TAOK3: variants seen among roughly 807,000 people sequenced by gnomAD.
TAOK3 encodes serine/threonine-protein kinase TAO3.
A neutral mutation model predicts 120.4 loss-of-function variants in TAOK3; 40 were observed. That is an observed-to-expected ratio of 0.33 (90% CI 0.26 to 0.43). The LOEUF is 0.43. Ranked by LOEUF, TAOK3 falls within the 20% of genes least tolerant of loss-of-function variation. TAOK3 has a pLI of 1.00. For synonymous variants in TAOK3, 355 were observed against 387.5 expected (o/e 0.92, Z 0.99); for missense variants, 821 against 1,112.1 (o/e 0.74, Z 3.72).
At chr12:118,222,542 AAAGAAAG>A (rs1423776202) in intron 9 of TAOK3, among the ~76,000 whole-genome samples, 2 of 151,992 alleles carry the variant, frequency 1.3e-5, no homozygotes, top group African/African-American at 4.8e-5. Flanking sequence ...GAAAAAAAAA[AAAGAAAG>A]AAAGAAAATG....
intron 1 of TAOK3, among the ~76,000 whole-genome samples, chr12:118,320,193 G>A (rs2043643440): frequency 6.6e-6 from 1 of 152,134 alleles, no homozygotes; most frequent in Non-Finnish European, 1.5e-5. Context: ...CAGAGAGGGG[G>A]AAATGGGGAG....
intron 1 of TAOK3, among the ~76,000 whole-genome samples, chr12:118,272,432 GT>G (rs1232348852): frequency 1.3e-5 from 2 of 151,854 alleles, no homozygotes; most frequent in African/African-American, 4.8e-5. Context: ...GTGTTTCAAT[GT>G]TTTTTTCAAC....
chr12:118,305,166 C>G (rs1701590295), intron 1 of TAOK3, among the ~76,000 whole-genome samples: 1 of 152,130 alleles, frequency 6.6e-6, no homozygotes, highest in African/African-American at 2.4e-5. Flanking sequence ...AACAAGGTGG[C>G]ATGCATAGAA....
intron 1 of TAOK3, among the ~76,000 whole-genome samples, chr12:118,354,072 C>A (rs17512609): frequency 0.11 from 17,396 of 152,174 alleles, 1,263 homozygotes; most frequent in Middle Eastern, 0.19. Flanking sequence ...ATTGTGAGAA[C>A]GGAAAACATT....
At position 118,238,268 on chromosome 12, in the gene TAOK3, C is replaced by A. The variant is rs1048216737; in HGVS notation, c.341-99G>T. On this transcript the variant is annotated intron_variant, in intron 6 of 20. Transcript: ENST00000392533. ...CCAGACTGGGTTACATACTTTCTCACATGACAATTTGGGAACACATTCACC... is the reference window on the plus strand; with the variant it reads ...CCAGACTGGGTTACATACTTTCTCAAATGACAATTTGGGAACACATTCACC... 7 of 614,402 alleles carry A rather than the reference C, an allele frequency of 1.1e-5. No individual in the cohort carries two copies. The African/African-American group carries it at 1.3e-4, about 11-fold the overall frequency. 38.1% of individuals were successfully genotyped at this position (614,402 alleles called of 1,614,324 possible). A position where few individuals can be genotyped will look rare whatever the true frequency, so the allele number is the denominator to read the frequency against.
At chr12:118,363,107 A>G (rs2141308169) in intron 1 of TAOK3, among the ~76,000 whole-genome samples, 1 of 151,988 alleles carries the variant, frequency 6.6e-6, no homozygotes, top group South Asian at 2.1e-4. Flanking sequence ...AATACCACTT[A>G]AGGAAATAAA....
At chr12:118,272,937 C>A (rs543105469) in intron 1 of TAOK3, among the ~76,000 whole-genome samples, 3 of 152,028 alleles carry the variant, frequency 2.0e-5, no homozygotes, top group South Asian at 4.1e-4. Flanking sequence ...GATTGTGCCA[C>A]TGCACTCCAA....
chr12:118,269,518 G>GC (rs1483418741), intron 1 of TAOK3, among the ~76,000 whole-genome samples: 1 of 150,974 alleles, frequency 6.6e-6, no homozygotes, highest in Non-Finnish European at 1.5e-5. Flanking sequence ...TTACAGGCGT[G>GC]CACCACCACG....
intron 5 of TAOK3, among the ~76,000 whole-genome samples, chr12:118,240,825 CA>C (rs1257322592): frequency 1.3e-5 from 2 of 151,928 alleles, no homozygotes; most frequent in African/African-American, 4.8e-5. Context: ...ATAAACTAGA[CA>C]TAACCAATAT....
intron 17 of TAOK3, among the ~76,000 whole-genome samples, chr12:118,165,557 C>T (rs2035525630): frequency 1.3e-5 from 2 of 152,206 alleles, no homozygotes; most frequent in South Asian, 4.1e-4. Context: ...ACAAGCTACG[C>T]AGCTAATTCT....
At chr12:118,349,304 T>G (rs1463821125) in intron 1 of TAOK3, among the ~76,000 whole-genome samples, 1 of 152,254 alleles carries the variant, frequency 6.6e-6, no homozygotes, top group Non-Finnish European at 1.5e-5. Flanking sequence ...ATTTAAAAAC[T>G]TGTATATTTA....
chr12:118,344,563 G>A (rs1462308263), intron 1 of TAOK3, among the ~76,000 whole-genome samples: 2 of 151,872 alleles, frequency 1.3e-5, no homozygotes, highest in African/African-American at 4.8e-5. Flanking sequence ...AAAATACATG[G>A]CAATTGGAAC....
Position 118,161,666 on chromosome 12 carries a change from C to A in TAOK3, c.2139+122G>T, listed in dbSNP as rs1305415839. ...ACTCTGTGCTTTGCAACTGGAGATT[C>A]TGATACAATAGGTGTGGGGTGCAGA... is the stretch of plus-strand genomic sequence containing the variant. On this transcript the variant is annotated intron_variant, in intron 18 of 20. Coordinates refer to ENST00000392533, the MANE Select transcript of TAOK3 (RefSeq NM_016281.4). This position sits in a 1 kb window ranked among gnomAD's most constrained non-coding sequence, Gnocchi z 4.5. 1 of 1,298,418 alleles carries A rather than the reference C, an allele frequency of 7.7e-7. No homozygotes were observed. Among genetic ancestry groups the A allele is most frequent in the Non-Finnish European group, 1.1e-6 (1 of 931,908 alleles). 80.4% of individuals were successfully genotyped at this position (1,298,418 alleles called of 1,614,324 possible). A position where few individuals can be genotyped will look rare whatever the true frequency, so the allele number is the denominator to read the frequency against.
chr12:118,216,478 GAAT>G (rs1436850829), intron 9 of TAOK3, among the ~76,000 whole-genome samples: 1 of 152,056 alleles, frequency 6.6e-6, no homozygotes, highest in Non-Finnish European at 1.5e-5. Flanking sequence ...CTTATAACCT[GAAT>G]ATTCTTTTTC....
intron 1 of TAOK3, among the ~76,000 whole-genome samples, chr12:118,277,909 C>T (rs913041945): frequency 1.5e-4 from 23 of 151,986 alleles, no homozygotes; most frequent in African/African-American, 5.6e-4. Flanking sequence ...CTTGTCTTAC[C>T]CAAGGTGGTT....
chr12:118,199,601 G>A (rs2037921415), intron 12 of TAOK3: 1 of 317,452 alleles, frequency 3.2e-6, no homozygotes, highest in Non-Finnish European at 6.1e-6. Context: ...GGAACATCAA[G>A]GAGCTAGAGG....
At chr12:118,215,330 CAA>C (rs759313035) in intron 9 of TAOK3, among the ~76,000 whole-genome samples, 3 of 89,608 alleles carry the variant, frequency 3.3e-5, no homozygotes, top group Admixed American at 2.5e-4. Context: ...CCCGTCTCTA[CAA>C]AAAAAAAAAA....
intron 1 of TAOK3, among the ~76,000 whole-genome samples, chr12:118,364,033 G>A (rs2045678902): frequency 6.6e-6 from 1 of 152,038 alleles, no homozygotes; most frequent in African/African-American, 2.4e-5. Flanking sequence ...CAGTTACTCG[G>A]GAGGCTGAGG....
chr12:118,203,020 T>A (rs1189921884), intron 11 of TAOK3, among the ~76,000 whole-genome samples: 1 of 151,994 alleles, frequency 6.6e-6, no homozygotes, highest in African/African-American at 2.4e-5. Flanking sequence ...GCTCAAGTGA[T>A]CCACCCGCCT....
Sources: allele counts gnomAD v4.1 joint callset (sites outside exome capture counted in the v4.1 genomes callset), GRCh38; gene constraint gnomAD v4.1.1; non-coding constraint Gnocchi (gnomAD v3.1); transcripts MANE v1.5; gene names NCBI Gene and HGNC (gene_info 2026-07-23, HGNC 2026-07-21).